MVB12A: variants seen among roughly 807,000 people sequenced by gnomAD.
MVB12A encodes the protein CIN85/CD2AP family binding protein.
MVB12A carries 30 observed loss-of-function variants against 34.3 expected under a neutral mutation model. The observed-to-expected ratio is 0.88, with a 90% confidence interval of 0.65 to 1.19. The LOEUF is 1.19. Among genes scored for constraint, MVB12A ranks in the 50% most tolerant of loss-of-function variants. The probability of loss-of-function intolerance (pLI) is 0.00; values close to 1 mark genes in which losing one functional copy is unlikely to be tolerated. For missense variants in MVB12A, 355 were observed against 369.2 expected (o/e 0.96, Z 0.31); for synonymous variants, 158 against 158.9 (o/e 0.99, Z 0.04).
At chr19:17,412,677 G>C (rs901617789) in intron 2 of MVB12A, among the ~76,000 whole-genome samples, 3 of 152,176 alleles carry the variant, frequency 2.0e-5, no homozygotes, top group Non-Finnish European at 4.4e-5. Context: ...AGAGAAAACA[G>C]TAAAAAGAAA....
At position 17,423,604 on chromosome 19, in the gene MVB12A, G is replaced by C. The variant is rs755945847; in HGVS notation, c.520G>C (p.Ala174Pro). ...RDMQGLSLDA[A>P]SQPSKGGLLE... ...CATGCAGGGCCTCTCTCTGGATGCA[G>C]CCAGCCAGCCAAGGTGAGTCCTCAG... Residue 174 changes from alanine (A) to proline (P), a missense_variant, in exon 5 of 9, where the codon GCC becomes CCC. Coordinates refer to ENST00000317040, the MANE Select transcript of MVB12A (RefSeq NM_138401.4). The C allele has an allele frequency of 8.7e-6, 14 of 1,613,868 alleles. No homozygotes were observed. The Admixed American group carries it at 1.5e-4, about 17-fold the overall frequency.
At position 17,423,630 on chromosome 19, in the gene MVB12A, G is replaced by T. The variant is rs747782379; in HGVS notation, c.533+13G>T. ...CCAGCCAGCCAAGGTGAGTCCTCAG[G>T]CACCGGAGTGGGGGTGGCCGTTGTG... On this transcript the variant is annotated intron_variant, in intron 5 of 8. Transcript: ENST00000317040. 6.2e-7 allele frequency: 1 copy of T among 1,613,668 alleles called. No individual in the cohort carries two copies.
intron 2 of MVB12A, among the ~76,000 whole-genome samples, chr19:17,409,465 T>G (rs2074750185): frequency 8.2e-6 from 1 of 122,684 alleles, no homozygotes; most frequent in Non-Finnish European, 1.6e-5. Context: ...TTTTTTTTTT[T>G]GAGATGGAAT....
At position 17,420,639 on chromosome 19, in the gene MVB12A, G is replaced by A. The variant is rs766917671; in HGVS notation, c.286+5G>A. On this transcript the variant is annotated splice_donor_5th_base_variant and intron_variant, in intron 3 of 8. Transcript: ENST00000317040. ...TCTGCGACCCCATGGATTCCAGTAA[G>A]GGCTGCTTCGGAGGCGAGAGTTGTC... The A allele has an allele frequency of 1.2e-6, 2 of 1,603,150 alleles. No homozygotes were observed. Among genetic ancestry groups the A allele is most frequent in the South Asian group, 1.1e-5 (1 of 90,820 alleles).
chr19:17,415,174 C>T (rs894810532), upstream of MVB12A: 3 of 152,096 alleles, frequency 2.0e-5, no homozygotes, highest in African/African-American at 7.2e-5. Context: ...TTTAAATTTT[C>T]CCTTTTTGTC....
intron 3 of MVB12A, chr19:17,421,193 T>TG: frequency 2.5e-6 from 1 of 397,304 alleles, no homozygotes; most frequent in South Asian, 1.8e-5. Flanking sequence ...TTTTTTTTTT[T>TG]TTTTTCTTCA....
chr19:17,421,696 C>A (rs1476193655), intron 3 of MVB12A, among the ~76,000 whole-genome samples: 2 of 151,986 alleles, frequency 1.3e-5, no homozygotes, highest in Non-Finnish European at 2.9e-5. Context: ...AATCCCAGCA[C>A]TTTGGGAGCC....
chr19:17,416,942 C>G (rs2074804039), upstream of MVB12A: 2 of 205,492 alleles, frequency 9.7e-6, no homozygotes, highest in Non-Finnish European at 1.0e-5. Context: ...CTCCACCCGC[C>G]TTGGCCTCCC....
upstream of MVB12A, chr19:17,417,004 T>C: frequency 3.2e-6 from 1 of 315,332 alleles, no homozygotes; most frequent in Non-Finnish European, 6.3e-6. Context: ...AGAAAGTTTT[T>C]CTCATCCATT....
intron 3 of MVB12A, chr19:17,420,958 C>G (rs1478450785): frequency 7.3e-6 from 4 of 544,442 alleles, no homozygotes; most frequent in South Asian, 6.1e-5. Context: ...TTTTCATTTC[C>G]AGGCTTTGCA....
intron 3 of MVB12A, among the ~76,000 whole-genome samples, chr19:17,421,638 A>G (rs1002957628): frequency 6.6e-6 from 1 of 152,064 alleles, no homozygotes; most frequent in Non-Finnish European, 1.5e-5. Context: ...TTAACACATC[A>G]GCTGTATGAA....
intron 2 of MVB12A, among the ~76,000 whole-genome samples, chr19:17,410,496 T>TTATATATGTATA (rs1568387298): frequency 7.3e-4 from 23 of 31,484 alleles, no homozygotes; most frequent in African/African-American, 2.1e-3. Context: ...GGTTTTAGCT[T>TTATATATGTATA]CATATATATA....
At chr19:17,410,495 TTC>T (rs200168628) in intron 2 of MVB12A, among the ~76,000 whole-genome samples, 741 of 55,068 alleles carry the variant, frequency 0.013, 30 homozygotes, top group African/African-American at 0.058. Flanking sequence ...TGGTTTTAGC[TTC>T]ATATATATAT....
rs1431205475 is a variant in MVB12A, at chr19:17,422,952, A to C, written c.413+494A>C. 3.3e-5 allele frequency: 5 copies of C among 152,358 alleles called. 1 individual carries two copies. The highest frequency in any genetic ancestry group is 1.2e-4 in the African/African-American group (5 of 41,526). 9.4% of individuals were successfully genotyped at this position (152,358 alleles called of 1,614,324 possible). On this transcript the variant is annotated intron_variant, in intron 4 of 8. Coordinates refer to ENST00000317040, the MANE Select transcript of MVB12A (RefSeq NM_138401.4). ...GGCGACAGAGCGAGACTCCGTCTCAAAAATAAAATAAAATAAATAAAAATA... is the reference window on the plus strand; with the variant it reads ...GGCGACAGAGCGAGACTCCGTCTCACAAATAAAATAAAATAAATAAAAATA...
intron 4 of MVB12A, chr19:17,422,670 A>T (rs1760154862): frequency 8.0e-6 from 3 of 374,170 alleles, no homozygotes. Flanking sequence ...ACATAACAGG[A>T]CTGGGCGCGG....
intron 3 of MVB12A, 57 bp downstream of exon 3, chr19:17,420,691 G>A (rs1339774434): frequency 5.7e-5 from 74 of 1,307,158 alleles, no homozygotes; most frequent in Non-Finnish European, 8.2e-5. Context: ...AGGAGCGGGG[G>A]AGGAGGGACG....
rs541363068 is a variant in MVB12A at position 17,410,129 on chromosome 19, A to G, written c.-5+3833A>G. The stretch of plus-strand genomic sequence containing the variant: ...TGGCAGAAACCACAATTACTTTCGC[A>G]ATAAAATTAGAAATGGAAACTGTTA... On this transcript the variant is annotated intron_variant, in intron 2 of 6. Transcript: ENST00000528604. 9.9e-5 allele frequency among the ~76,000 whole-genome samples: 15 copies of G among 152,154 alleles called. No individual in the cohort carries two copies. In the East Asian group the frequency reaches 2.7e-3, roughly 27 times the overall value.
At chr19:17,423,385 C>A in intron 4 of MVB12A, 113 bp from the exon 5 acceptor site, 1 of 1,360,856 alleles carries the variant, frequency 7.3e-7, no homozygotes. Flanking sequence ...AAAAAATTCC[C>A]CCAAAAGACA....
intron 2 of MVB12A, 25 bp from the exon 3 acceptor site, chr19:17,420,513 C>T (rs765092038): frequency 1.7e-4 from 269 of 1,594,098 alleles, no homozygotes; most frequent in Non-Finnish European, 2.2e-4. Flanking sequence ...TAGCCACCCT[C>T]GCCGTGTCCC....
Sources: allele counts gnomAD v4.1 joint callset (sites outside exome capture counted in the v4.1 genomes callset), GRCh38; gene constraint gnomAD v4.1.1; transcripts MANE v1.5; gene names NCBI Gene and HGNC (gene_info 2026-07-23, HGNC 2026-07-21).